The following CLEC4M variants were observed in gnomAD, a reference collection of about 807,000 sequenced individuals.
CLEC4M encodes the protein C-type lectin domain family 4 member M, also known as CD209 antigen-like protein 1.
In CLEC4M, 25 loss-of-function variants were observed where a neutral mutation model predicts 39.1. The observed-to-expected ratio is 0.64, with a 90% CI of 0.47 to 0.89. The LOEUF is 0.89. CLEC4M is among the 40% of genes least tolerant of loss of function. The probability of loss-of-function intolerance (pLI) is 0.00; values close to 1 mark genes in which losing one functional copy is unlikely to be tolerated. For synonymous variants in CLEC4M, 155 were observed against 177.4 expected (o/e 0.87, Z 1.00); for missense variants, 353 against 431.4 (o/e 0.82, Z 1.61).
intron 6 of CLEC4M, 84 bp downstream of exon 6, chr19:7,767,712 C>G (rs913241630): frequency 1.5e-5 from 18 of 1,201,042 alleles, no homozygotes; most frequent in Non-Finnish European, 2.1e-5. Flanking sequence ...GGGGTCCCCC[C>G]CAACCTCCCT....
intron 6 of CLEC4M, 152 bp downstream of exon 6, chr19:7,767,780 C>CCCA: frequency 1.6e-6 from 1 of 620,080 alleles, no homozygotes; most frequent in South Asian, 1.9e-5. Flanking sequence ...GGTCTTCATA[C>CCCA]CCACCTCCAG....
chr19:7,769,560 T>G lies in CLEC4M; in HGVS notation c.*572T>G, dbSNP rs1219361145. 6.5e-6 allele frequency: 1 copy of G among 152,738 alleles called. No homozygotes were observed. Among genetic ancestry groups the G allele is most frequent in the Non-Finnish European group, 1.5e-5 (1 of 68,390 alleles). 9.5% of individuals were successfully genotyped at this position (152,738 alleles called of 1,614,324 possible). A position where few individuals can be genotyped will look rare whatever the true frequency, so the allele number is the denominator to read the frequency against. On this transcript the variant is annotated 3_prime_UTR_variant, in exon 7 of 7. Coordinates refer to ENST00000327325, the MANE Select transcript of CLEC4M (RefSeq NM_014257.5). ...TATACATGTCTTCCATTTGGCTGTTTCTGAGTTGTAGCCTTTATAATAAAG... is the reference window on the plus strand; with the variant it reads ...TATACATGTCTTCCATTTGGCTGTTGCTGAGTTGTAGCCTTTATAATAAAG...
At chr19:7,766,953 G>C (rs1329661027) in intron 5 of CLEC4M, 146 bp downstream of exon 5, 2 of 1,404,800 alleles carry the variant, frequency 1.4e-6, no homozygotes, top group African/African-American at 2.9e-5. Flanking sequence ...AGGGGTCCCA[G>C]GTACCCTTCA....
intron 6 of CLEC4M, 133 bp from the exon 7 acceptor site, chr19:7,768,705 T>G (rs2034387985): frequency 6.0e-6 from 6 of 992,022 alleles, no homozygotes; most frequent in Non-Finnish European, 8.8e-6. Flanking sequence ...GGGCATATTA[T>G]GAGGTGTGGA....
chr19:7,765,177 T>A lies in CLEC4M; in HGVS notation c.131-8T>A, dbSNP rs1364150746. The A allele has an allele frequency of 6.2e-7, 1 of 1,613,856 alleles. No individual in the cohort carries two copies. Among genetic ancestry groups the A allele is most frequent in the East Asian group, 2.2e-5 (1 of 44,890 alleles). On this transcript the variant is annotated splice_polypyrimidine_tract_variant and splice_region_variant and intron_variant, in intron 2 of 6. Coordinates refer to ENST00000327325, the MANE Select transcript of CLEC4M (RefSeq NM_014257.5). The stretch of plus-strand genomic sequence containing the variant: ...CACTGGCAGGCTGACGCATGTATCC[T>A]CTCTCAGGGTGTCTTGGCCATGGCG...
In CLEC4M at chr19:7,769,146, C is replaced by T; in HGVS notation, c.*158C>T. 1.5e-6 allele frequency: 1 copy of T among 651,264 alleles called. No individual in the cohort carries two copies. Among genetic ancestry groups the T allele is most frequent in the South Asian group, 2.0e-5 (1 of 50,082 alleles). 40.3% of individuals were successfully genotyped at this position (651,264 alleles called of 1,614,324 possible). A position where few individuals can be genotyped will look rare whatever the true frequency, so the allele number is the denominator to read the frequency against. On this transcript the variant is annotated 3_prime_UTR_variant, in exon 7 of 7. Transcript: ENST00000327325. ...CCTATGAACCTGGGTCTTATTCTGT[C>T]CTTCTGATGCCTCCAAGTTTCCCTG...
At chr19:7,766,437 C>T in intron 4 of CLEC4M, 2 of 1,449,918 alleles carry the variant, frequency 1.4e-6, no homozygotes, top group South Asian at 3.0e-5. Flanking sequence ...GCTAATTCTC[C>T]CAGTCTGGAA....
intron 1 of CLEC4M, 36 bp downstream of exon 1, chr19:7,763,348 G>A: frequency 1.2e-6 from 2 of 1,612,582 alleles, no homozygotes; most frequent in Non-Finnish European, 8.5e-7. Flanking sequence ...TCCTGGGTAA[G>A]GGGAAGGGAT....
Position 7,769,253 on chromosome 19 carries a change from T to G in CLEC4M, c.*265T>G. 2.7e-6 allele frequency: 1 copy of G among 365,386 alleles called. No individual in the cohort carries two copies. The highest frequency in any genetic ancestry group is 3.4e-5 in the South Asian group (1 of 29,724). The allele number at this position is 365,386 out of a possible 1,614,324, so 22.6% of individuals were successfully genotyped here. ...ATGCATTTAGGGGGCGGGCTTGGTA[T>G]GTTGTATGAATCCACTCTCTGTTCC... On this transcript the variant is annotated 3_prime_UTR_variant, in exon 7 of 7. Transcript: ENST00000327325.
At chr19:7,766,358 A>G in intron 4 of CLEC4M, 151 bp downstream of exon 4, 1 of 1,484,384 alleles carries the variant, frequency 6.7e-7, no homozygotes, top group Non-Finnish European at 8.9e-7. Flanking sequence ...TGGTGTTCAC[A>G]GTGGGCCAGG....
chr19:7,766,888 G>T (rs573734793), intron 5 of CLEC4M, 81 bp downstream of exon 5: 226 of 1,603,190 alleles, frequency 1.4e-4, no homozygotes, highest in Non-Finnish European at 1.4e-4. Context: ...AGAGGATTTT[G>T]CAGAAGAGGG....
intron 4 of CLEC4M, 148 bp downstream of exon 4, chr19:7,766,355 C>T (rs1163972583): frequency 3.4e-6 from 5 of 1,484,734 alleles, no homozygotes; most frequent in African/African-American, 1.4e-5. Flanking sequence ...ACTTGGTGTT[C>T]ACAGTGGGCC....
chr19:7,767,812 A>G, intron 6 of CLEC4M, 184 bp downstream of exon 6: 1 of 569,172 alleles, frequency 1.8e-6, no homozygotes, highest in Non-Finnish European at 3.1e-6. Context: ...GGTGCCAAGA[A>G]TTCCACCAGC....
At chr19:7,766,457 C>T in intron 4 of CLEC4M, 199 bp from the exon 5 acceptor site, 1 of 1,452,466 alleles carries the variant, frequency 6.9e-7, no homozygotes, top group South Asian at 1.5e-5. Flanking sequence ...AGAGATGGAG[C>T]CAGGACTCCT....
chr19:7,768,437 G>T (rs1599526092), intron 6 of CLEC4M: 1 of 160,584 alleles, frequency 6.2e-6, no homozygotes, highest in South Asian at 1.8e-4. Flanking sequence ...AGCTGGGTGT[G>T]GTGGCGTGCA....
At chr19:7,764,619 G>C (rs1483679508) in intron 2 of CLEC4M, among the ~76,000 whole-genome samples, 1 of 151,948 alleles carries the variant, frequency 6.6e-6, no homozygotes, top group Non-Finnish European at 1.5e-5. Context: ...CTCCCGAGTA[G>C]CTGGGACTAC....
Position 7,763,496 on chromosome 19 carries a change from C to G in CLEC4M, c.130+20C>G, listed in dbSNP as rs1458224625. 7 of 1,603,462 alleles carry G rather than the reference C, an allele frequency of 4.4e-6. No homozygotes were observed. The highest frequency in any genetic ancestry group is 1.3e-5 in the African/African-American group (1 of 74,764). On this transcript the variant is annotated intron_variant, in intron 2 of 6. Transcript: ENST00000327325. The stretch of plus-strand genomic sequence containing the variant: ...CTACAGGTAGGCAAGAGTTAGGGAG[C>G]AGATAGTGGAAGACAGAGCCTCCCA...
intron 6 of CLEC4M, chr19:7,768,035 T>C (rs940899384): frequency 2.7e-4 from 44 of 164,306 alleles, no homozygotes; most frequent in African/African-American, 9.8e-4. Flanking sequence ...GGGAAAGTCA[T>C]GGAGGGGACT....
chr19:7,768,776 G>A, intron 6 of CLEC4M, 62 bp from the exon 7 acceptor site: 1 of 1,578,000 alleles, frequency 6.3e-7, no homozygotes, highest in South Asian at 1.1e-5. Flanking sequence ...TATTACAGAA[G>A]GTAGGAGTGT....
Sources: gnomAD v4.1 joint callset for allele counts (sites outside exome capture counted in the v4.1 genomes callset) on GRCh38, gnomAD v4.1.1 for gene constraint, MANE v1.5 for transcripts, NCBI Gene and HGNC (gene_info 2026-07-23, HGNC 2026-07-21) for gene names.